SLA: variants seen among roughly 807,000 people sequenced by gnomAD.
SLA encodes the protein Src like adaptor.
A neutral mutation model predicts 30.3 loss-of-function variants in SLA; 16 were observed. The observed-to-expected ratio is 0.53, with a 90% confidence interval of 0.36 to 0.80. The LOEUF (loss-of-function observed/expected upper bound fraction) is 0.80, where lower values mean the gene tolerates loss of function less well. Among genes scored for constraint, SLA ranks in the 30% least tolerant of loss-of-function variants. SLA has a pLI of 0.01. For synonymous variants in SLA, 143 were observed against 137.8 expected (o/e 1.04, Z -0.26); for missense variants, 310 against 345.2 (o/e 0.90, Z 0.81).
At chr8:133,095,546 G>A (rs935427350) in intron 1 of SLA, among the ~76,000 whole-genome samples, 2 of 152,222 alleles carry the variant, frequency 1.3e-5, no homozygotes, top group Non-Finnish European at 2.9e-5. Flanking sequence ...TGGTGGGCAG[G>A]GGACCAAACC....
intron 3 of SLA, among the ~76,000 whole-genome samples, chr8:133,058,493 C>G (rs1841864536): frequency 6.6e-6 from 1 of 152,252 alleles, no homozygotes; most frequent in South Asian, 2.1e-4. Flanking sequence ...GAGGTTCGCT[C>G]AAGCATGCTG....
intron 1 of SLA, chr8:133,076,588 G>A (rs1235046520): frequency 6.6e-6 from 1 of 152,108 alleles, no homozygotes; most frequent in Admixed American, 6.6e-5. Flanking sequence ...TCACACAGAG[G>A]AGTAAAAGAG....
At chr8:133,098,499 A>G (rs1302897975) in intron 1 of SLA, among the ~76,000 whole-genome samples, 2 of 152,180 alleles carry the variant, frequency 1.3e-5, no homozygotes, top group African/African-American at 4.8e-5. Context: ...TCACCTCCTT[A>G]TTTGATACCC....
chr8:133,072,700 T>A (rs1844248360), intron 2 of SLA, among the ~76,000 whole-genome samples: 1 of 152,240 alleles, frequency 6.6e-6, no homozygotes, highest in Admixed American at 6.5e-5. Flanking sequence ...AATTTCTGTC[T>A]TTAAAAAGGC....
chr8:133,099,945 A>G (rs1848998314), intron 1 of SLA, among the ~76,000 whole-genome samples: 1 of 152,222 alleles, frequency 6.6e-6, no homozygotes, highest in Non-Finnish European at 1.5e-5. Flanking sequence ...CACAGTAGCC[A>G]GAGCAATCCC....
At chr8:133,050,194 G>A in intron 4 of SLA, 1 of 572,058 alleles carries the variant, frequency 1.7e-6, no homozygotes, top group Non-Finnish European at 3.1e-6. Flanking sequence ...TCCATTGCAA[G>A]CCAACTGGTA....
intron 3 of SLA, among the ~76,000 whole-genome samples, 174 bp downstream of exon 3, chr8:133,059,926 G>A (rs547694949): frequency 7.9e-5 from 12 of 152,306 alleles, no homozygotes; most frequent in African/African-American, 2.2e-4. Flanking sequence ...AATTCTTTTC[G>A]TCTTTTAATT....
In SLA at chr8:133,047,924, A is replaced by G; in HGVS notation, c.258T>C (p.Phe86=). 1 of 1,606,514 alleles carries G rather than the reference A, an allele frequency of 6.2e-7. No individual in the cohort carries two copies. Among genetic ancestry groups the G allele is most frequent in the South Asian group, 1.1e-5 (1 of 90,752 alleles). The change falls in exon 6 of 9, where the codon TTT becomes TTC. Residue 86 remains phenylalanine, a synonymous_variant. Coordinates refer to ENST00000338087, the MANE Select transcript of SLA (RefSeq NM_001045556.3). ...CVARVYHGWL[F]EGLGRDKAEE... ...CGGCCTTGTCTCTGCCCAGGCCCTCAAACAGCCAGCTGGGAAGGAGGAAGA... is the reference window on the plus strand; with the variant it reads ...CGGCCTTGTCTCTGCCCAGGCCCTCGAACAGCCAGCTGGGAAGGAGGAAGA...
Position 133,038,721 on chromosome 8 carries a change from C to G in SLA, c.634G>C (p.Glu212Gln), listed in dbSNP as rs201667666. ...RRVSRLQEDP[E>Q]GTENPLGVDE... ...ACCCCAAGCGGGTTCTCTGTTCCCT[C>G]GGGGTCCTCCTGCAGTCTGTGGGCC... The change falls in exon 9 of 9, where the codon GAG (glutamate) becomes CAG (glutamine). Residue 212 changes from glutamate (E) to glutamine (Q), a missense_variant. Transcript: ENST00000338087. 6.2e-7 allele frequency: 1 copy of G among 1,613,484 alleles called. No homozygotes were observed. The highest frequency in any genetic ancestry group is 1.7e-5 in the Admixed American group (1 of 59,978).
At chr8:133,059,834 A>G (rs1399692210) in intron 3 of SLA, among the ~76,000 whole-genome samples, 1 of 152,242 alleles carries the variant, frequency 6.6e-6, no homozygotes, top group Non-Finnish European at 1.5e-5. Flanking sequence ...TATCTGGAAA[A>G]TAAAGTGATT....
At chr8:133,064,844 G>C (rs998740750) in intron 2 of SLA, among the ~76,000 whole-genome samples, 2 of 152,128 alleles carry the variant, frequency 1.3e-5, no homozygotes, top group East Asian at 3.9e-4. Context: ...GGTCCATCTT[G>C]TGCTTCTGAT....
intron 2 of SLA, among the ~76,000 whole-genome samples, chr8:133,069,848 A>G (rs1439048035): frequency 6.6e-6 from 1 of 151,852 alleles, no homozygotes; most frequent in African/African-American, 2.4e-5. Flanking sequence ...CTAAAAATAC[A>G]AAAATCAGCT....
At chr8:133,051,122 G>T (rs1840331965) in intron 3 of SLA, among the ~76,000 whole-genome samples, 1 of 152,176 alleles carries the variant, frequency 6.6e-6, no homozygotes, top group Non-Finnish European at 1.5e-5. Context: ...CAGGTGACAT[G>T]CTCCTATTCT....
At chr8:133,078,793 T>C (rs1845292357) in intron 1 of SLA, among the ~76,000 whole-genome samples, 1 of 152,238 alleles carries the variant, frequency 6.6e-6, no homozygotes, top group Non-Finnish European at 1.5e-5. Context: ...AAATTTCGTG[T>C]ATGTATAACC....
intron 1 of SLA, among the ~76,000 whole-genome samples, chr8:133,088,484 C>T (rs182664394): frequency 6.6e-6 from 1 of 152,352 alleles, no homozygotes; most frequent in Admixed American, 6.5e-5. Context: ...TACCTACCCA[C>T]TCCAAGCCTC....
chr8:133,064,296 G>A (rs1405115418), intron 2 of SLA: 1 of 152,170 alleles, frequency 6.6e-6, no homozygotes. Context: ...ACAACCATTG[G>A]CGTTTTTCAA....
At chr8:133,058,184 A>G (rs940362781) in intron 3 of SLA, among the ~76,000 whole-genome samples, 1 of 152,164 alleles carries the variant, frequency 6.6e-6, no homozygotes, top group African/African-American at 2.4e-5. Context: ...CCCTTACTCA[A>G]GTAGGTAGAA....
chr8:133,085,370 T>A (rs1157528474), intron 1 of SLA, among the ~76,000 whole-genome samples: 1 of 152,134 alleles, frequency 6.6e-6, no homozygotes, highest in Admixed American at 6.5e-5. Context: ...CATCACAATT[T>A]AAAAAATTCT....
At chr8:133,053,930 C>A (rs1211940977) in intron 3 of SLA, among the ~76,000 whole-genome samples, 2 of 152,124 alleles carry the variant, frequency 1.3e-5, no homozygotes, top group Admixed American at 6.5e-5. Flanking sequence ...TGTGCCTGAT[C>A]CTTTGCAAGA....
Sources: gnomAD v4.1 joint callset for allele counts (sites outside exome capture counted in the v4.1 genomes callset) on GRCh38, gnomAD v4.1.1 for gene constraint, MANE v1.5 for transcripts, NCBI Gene and HGNC (gene_info 2026-07-23, HGNC 2026-07-21) for gene names.